PPP2R2C: variants seen among roughly 807,000 people sequenced by gnomAD.
PPP2R2C encodes the protein protein phosphatase 2 regulatory subunit Bgamma, also known as protein phosphatase 2, regulatory subunit B, gamma.
In PPP2R2C, 10 loss-of-function variants were observed where a neutral mutation model predicts 45.3. The ratio of observed to expected loss-of-function variants is 0.22; its 90% CI spans 0.14 to 0.37. PPP2R2C has a LOEUF of 0.37. PPP2R2C is among the 10% of genes least tolerant of loss of function. The probability of loss-of-function intolerance (pLI) is 1.00; values close to 1 mark genes in which losing one functional copy is unlikely to be tolerated. For synonymous variants in PPP2R2C, 257 were observed against 245.4 expected (o/e 1.05, Z -0.44); for missense variants, 308 against 619.7 (o/e 0.50, Z 5.34).
At chr4:6,472,060 C>G (rs1032482211) in intron 1 of PPP2R2C, 100 bp downstream of exon 1, 17 of 1,450,462 alleles carry the variant, frequency 1.2e-5, no homozygotes, top group Non-Finnish European at 1.5e-5. Context: ...CGGGGGGACA[C>G]GACACACATC....
intron 5 of PPP2R2C, chr4:6,350,248 G>A (rs1449793881): frequency 6.1e-6 from 6 of 985,338 alleles, no homozygotes; most frequent in Non-Finnish European, 7.2e-6. Flanking sequence ...TGGCAGCCCA[G>A]CCCTCCCAGG....
chr4:6,371,705 G>A (rs1393232725), intron 5 of PPP2R2C, among the ~76,000 whole-genome samples: 1 of 152,220 alleles, frequency 6.6e-6, no homozygotes, highest in Non-Finnish European at 1.5e-5. Context: ...TTCCTCATCT[G>A]TAAAGGAGAC....
At chr4:6,478,572 T>A (rs1008702643) in intron 2 of PPP2R2C, among the ~76,000 whole-genome samples, 1 of 152,202 alleles carries the variant, frequency 6.6e-6, no homozygotes, top group African/African-American at 2.4e-5. Flanking sequence ...TGTGATATGT[T>A]TTGTCACTGA....
intron 2 of PPP2R2C, among the ~76,000 whole-genome samples, chr4:6,512,540 TGGTGATG>T (rs1723677561): frequency 1.5e-5 from 1 of 64,920 alleles, no homozygotes; most frequent in African/African-American, 6.3e-5. Context: ...ATGGTGATGG[TGGTGATG>T]GTGGTGATGG....
At chr4:6,534,734 G>A (rs13135169) in intron 2 of PPP2R2C, among the ~76,000 whole-genome samples, 51,683 of 151,842 alleles carry the variant, frequency 0.34, 8,890 homozygotes, top group South Asian at 0.44. Context: ...CCTGTACTTC[G>A]CAGTGACAAC....
In PPP2R2C at chr4:6,323,401, G is replaced by A. The variant is rs750001141; in HGVS notation, c.1245C>T (p.Ile415=). The change falls in exon 9 of 9, where the codon ATC becomes ATT. Residue 415 remains isoleucine (I), a synonymous_variant. Transcript: ENST00000382599. ...CAGCCGGGTGCCAGGCCGTGTGCAG[G>A]ATCTTCTTGGTGAAGTCCAAGCTGT... ...SVDSLDFTKK[I]LHTAWHPAEN... The A allele has an allele frequency of 8.7e-6, 14 of 1,614,088 alleles. No homozygotes were observed. The highest frequency in any genetic ancestry group is 1.2e-5 in the Non-Finnish European group (14 of 1,179,950).
Position 6,336,523 on chromosome 4 carries a change from G to C in PPP2R2C, c.791-2792C>G, listed in dbSNP as rs1732865054. ...TTTCAGGAAGGGGCAGGAGGAGGGG[G>C]TTGCAGCCAGGCCTGGCACCACCCT... On this transcript the variant is annotated intron_variant, in intron 6 of 8. Coordinates refer to ENST00000382599, the MANE Select transcript of PPP2R2C (RefSeq NM_020416.4). Among the ~76,000 whole-genome samples, 3 of 152,064 alleles carry C rather than the reference G, an allele frequency of 2.0e-5. No individual in the cohort carries two copies. In the South Asian group the frequency reaches 6.2e-4, roughly 32 times the overall value.
intron 2 of PPP2R2C, among the ~76,000 whole-genome samples, chr4:6,525,637 C>T (rs1724173561): frequency 6.6e-6 from 1 of 152,136 alleles, no homozygotes; most frequent in Admixed American, 6.5e-5. Flanking sequence ...AAAGCCTTGC[C>T]CTACTGCTGA....
chr4:6,561,128 C>G (rs1352400576), intron 1 of PPP2R2C, among the ~76,000 whole-genome samples: 1 of 152,236 alleles, frequency 6.6e-6, no homozygotes, highest in Non-Finnish European at 1.5e-5. Context: ...TGTCTCAACC[C>G]CAAGGCTGCA....
intron 1 of PPP2R2C, among the ~76,000 whole-genome samples, chr4:6,560,385 C>A (rs1327217211): frequency 6.6e-6 from 1 of 152,182 alleles, no homozygotes; most frequent in Non-Finnish European, 1.5e-5. Context: ...GAGCTCCAGG[C>A]CCTTGTTGAG....
At chr4:6,544,777 T>C (rs1013121985) in intron 1 of PPP2R2C, among the ~76,000 whole-genome samples, 1 of 152,244 alleles carries the variant, frequency 6.6e-6, no homozygotes, top group Non-Finnish European at 1.5e-5. Flanking sequence ...CCCTGTGCTC[T>C]GCAACTGTGG....
chr4:6,331,104 G>A lies in PPP2R2C; in HGVS notation c.961-1751C>T, dbSNP rs781641648. On this transcript the variant is annotated intron_variant, in intron 7 of 8. Coordinates refer to ENST00000382599, the MANE Select transcript of PPP2R2C (RefSeq NM_020416.4). This position sits in a 1 kb window ranked among gnomAD's most constrained non-coding sequence, Gnocchi z 5.9. ...TGAATGGCAGCAGGTTTTAGTGTTC[G>A]TGTCCCACCCCCGGCTCTGCATTTT... 2.6e-5 allele frequency among the ~76,000 whole-genome samples: 4 copies of A among 152,114 alleles called. No individual in the cohort carries two copies. Among genetic ancestry groups the A allele is most frequent in the Non-Finnish European group, 5.9e-5 (4 of 68,020 alleles).
intron 2 of PPP2R2C, among the ~76,000 whole-genome samples, chr4:6,498,256 C>T (rs1195218765): frequency 6.6e-6 from 1 of 152,226 alleles, no homozygotes; most frequent in Non-Finnish European, 1.5e-5. Context: ...AATCCAAAAT[C>T]TTTGCGCAGC....
chr4:6,490,521 A>G (rs1249728842), intron 2 of PPP2R2C, among the ~76,000 whole-genome samples: 1 of 152,240 alleles, frequency 6.6e-6, no homozygotes, highest in African/African-American at 2.4e-5. Flanking sequence ...ACAGCACCCA[A>G]TCGTGCCTTG....
At position 6,552,119 on chromosome 4, in the gene PPP2R2C, A is replaced by T. The variant is rs139516239; in HGVS notation, c.-59+11441T>A. Among the ~76,000 whole-genome samples the T allele has an allele frequency of 3.5e-3, 537 of 152,350 alleles. 5 individuals carry two copies. The highest frequency in any genetic ancestry group is 0.012 in the African/African-American group (515 of 41,592). ...CACTTTTGCCACAAGGGGAGACCTGAGCCCACTGTTCCCAAATGCAGTAAT... is the reference window on the plus strand; with the variant it reads ...CACTTTTGCCACAAGGGGAGACCTGTGCCCACTGTTCCCAAATGCAGTAAT... On this transcript the variant is annotated intron_variant, in intron 1 of 9. Coordinates refer to the PPP2R2C transcript ENST00000506140.
At chr4:6,453,623 C>T (rs1720862493) in intron 1 of PPP2R2C, among the ~76,000 whole-genome samples, 1 of 152,108 alleles carries the variant, frequency 6.6e-6, no homozygotes. Flanking sequence ...GGGCCCAGAC[C>T]ACCGGGGCTG....
At chr4:6,388,830 T>A (rs1002492588) in intron 1 of PPP2R2C, among the ~76,000 whole-genome samples, 1 of 151,060 alleles carries the variant, frequency 6.6e-6, no homozygotes, top group South Asian at 2.1e-4. Flanking sequence ...TCCAGAACTG[T>A]GAGAGAACAA....
At chr4:6,392,534 C>A (rs1716719355) in intron 1 of PPP2R2C, among the ~76,000 whole-genome samples, 1 of 152,230 alleles carries the variant, frequency 6.6e-6, no homozygotes, top group South Asian at 2.1e-4. Context: ...AGAGAGGGAG[C>A]CTCACAGATA....
chr4:6,434,517 C>G (rs1719799196), intron 1 of PPP2R2C, among the ~76,000 whole-genome samples: 1 of 152,006 alleles, frequency 6.6e-6, no homozygotes, highest in South Asian at 2.1e-4. Context: ...CACCACCACG[C>G]CTGGCTAATT....
Sources: allele counts gnomAD v4.1 joint callset (sites outside exome capture counted in the v4.1 genomes callset), GRCh38; gene constraint gnomAD v4.1.1; non-coding constraint Gnocchi (gnomAD v3.1); transcripts MANE v1.5; gene names NCBI Gene and HGNC (gene_info 2026-07-23, HGNC 2026-07-21).